The following TRABD2B variants were observed in gnomAD, a reference collection of about 807,000 sequenced individuals.
TRABD2B encodes the protein metalloprotease TIKI2.
In TRABD2B, 14 loss-of-function variants were observed where a neutral mutation model predicts 40.1. The observed-to-expected ratio is 0.35, with a 90% CI of 0.23 to 0.55. The LOEUF (loss-of-function observed/expected upper bound fraction) is 0.55, where lower values mean the gene tolerates loss of function less well. TRABD2B is among the 20% of genes least tolerant of loss of function. The probability of loss-of-function intolerance (pLI) is 0.90; values close to 1 mark genes in which losing one functional copy is unlikely to be tolerated. For synonymous variants in TRABD2B, 263 were observed against 277.0 expected (o/e 0.95, Z 0.50); for missense variants, 541 against 648.6 (o/e 0.83, Z 1.80).
intron 4 of TRABD2B, among the ~76,000 whole-genome samples, chr1:47,784,374 A>G (rs1218208472): frequency 2.6e-5 from 4 of 152,178 alleles, no homozygotes; most frequent in Non-Finnish European, 5.9e-5. Flanking sequence ...CTCAGCAAGA[A>G]TAACACACAA....
chr1:47,905,018 G>A (rs866802194), intron 2 of TRABD2B, among the ~76,000 whole-genome samples: 4 of 152,164 alleles, frequency 2.6e-5, no homozygotes, highest in South Asian at 4.1e-4. Context: ...CTCTGTGGAG[G>A]AAACAAAGGT....
intron 2 of TRABD2B, among the ~76,000 whole-genome samples, chr1:47,846,863 C>T (rs1335665529): frequency 5.2e-5 from 7 of 135,098 alleles, no homozygotes; most frequent in Middle Eastern, 3.5e-3. Flanking sequence ...TGCATACACA[C>T]ACACACACAC....
intron 2 of TRABD2B, among the ~76,000 whole-genome samples, chr1:47,849,184 T>C (rs1645513298): frequency 6.6e-6 from 1 of 152,204 alleles, no homozygotes; most frequent in Non-Finnish European, 1.5e-5. Context: ...TATTTGGAGA[T>C]AGGGCCTTTA....
At position 47,761,037 on chromosome 1, in the gene TRABD2B, G is replaced by A. The variant is rs916977442; in HGVS notation, c.*4865C>T. 1 of 152,316 alleles carries A rather than the reference G, an allele frequency of 6.6e-6. No homozygotes were observed. Among genetic ancestry groups the A allele is most frequent in the Non-Finnish European group, 1.5e-5 (1 of 68,098 alleles). 9.4% of individuals were successfully genotyped at this position (152,316 alleles called of 1,614,324 possible). On this transcript the variant is annotated 3_prime_UTR_variant, in exon 7 of 7. Coordinates refer to ENST00000606738, the MANE Select transcript of TRABD2B (RefSeq NM_001194986.2). ...TCCCATGGCAGCCTGTGGGTCCTGG[G>A]AAGAAAGCCAAGCACCTCATCTCCA...
intron 6 of TRABD2B, among the ~76,000 whole-genome samples, chr1:47,769,259 G>A (rs1003418570): frequency 1.3e-5 from 2 of 152,212 alleles, no homozygotes; most frequent in African/African-American, 4.8e-5. Context: ...CATCCTTTCA[G>A]CCTGAGGAAC....
At chr1:47,990,276 C>T (rs572422731) in intron 2 of TRABD2B, among the ~76,000 whole-genome samples, 1 of 152,300 alleles carries the variant, frequency 6.6e-6, no homozygotes, top group Admixed American at 6.5e-5. Flanking sequence ...GTGTCTCCGA[C>T]TCTGCCATGC....
chr1:47,805,711 G>T (rs1055010228), intron 2 of TRABD2B, among the ~76,000 whole-genome samples: 1 of 151,984 alleles, frequency 6.6e-6, no homozygotes, highest in East Asian at 1.9e-4. Context: ...CCAGGATTAC[G>T]ATGTTTATTG....
chr1:47,923,667 G>C (rs1184496983), intron 2 of TRABD2B, among the ~76,000 whole-genome samples: 3 of 152,142 alleles, frequency 2.0e-5, no homozygotes, highest in Non-Finnish European at 1.5e-5. Context: ...TAAATCAGTA[G>C]ACTTTGAGTA....
At chr1:47,962,749 G>T (rs1645540097) in intron 2 of TRABD2B, among the ~76,000 whole-genome samples, 1 of 152,210 alleles carries the variant, frequency 6.6e-6, no homozygotes, top group Non-Finnish European at 1.5e-5. Flanking sequence ...CAATTCAGCT[G>T]CAGAGTGTAT....
intron 2 of TRABD2B, among the ~76,000 whole-genome samples, chr1:47,814,743 G>C (rs1245431605): frequency 6.6e-6 from 1 of 152,198 alleles, no homozygotes; most frequent in African/African-American, 2.4e-5. Context: ...ACCCGCCTGG[G>C]ACTCTGTGGT....
intron 2 of TRABD2B, among the ~76,000 whole-genome samples, chr1:47,862,014 A>G (rs1246507090): frequency 6.6e-6 from 1 of 152,252 alleles, no homozygotes; most frequent in East Asian, 1.9e-4. Flanking sequence ...AAGAAAATAC[A>G]TGTAAAAAAA....
chr1:47,801,734 G>T, intron 2 of TRABD2B, 115 bp from the exon 3 acceptor site: 1 of 1,296,420 alleles, frequency 7.7e-7, no homozygotes, highest in Non-Finnish European at 1.0e-6. Context: ...CAGAGAAGGT[G>T]TGTGGGGCTG....
intron 2 of TRABD2B, among the ~76,000 whole-genome samples, chr1:47,983,415 T>C (rs976668645): frequency 6.6e-6 from 1 of 151,882 alleles, no homozygotes; most frequent in Non-Finnish European, 1.5e-5. Context: ...AAATAATCTG[T>C]ACAAAAAACC....
intron 2 of TRABD2B, among the ~76,000 whole-genome samples, chr1:47,852,237 G>C (rs1018564178): frequency 1.3e-5 from 2 of 152,148 alleles, no homozygotes; most frequent in Non-Finnish European, 2.9e-5. Flanking sequence ...GAGGCCAGGC[G>C]GAGGTTTGGG....
chr1:47,966,924 A>AAAATG (rs1645612376), intron 2 of TRABD2B, among the ~76,000 whole-genome samples: 1 of 151,430 alleles, frequency 6.6e-6, no homozygotes, highest in African/African-American at 2.4e-5. Flanking sequence ...AAAATAAAAT[A>AAAATG]AAATAAAATA....
chr1:47,955,378 C>G (rs1645404424), intron 2 of TRABD2B, among the ~76,000 whole-genome samples: 1 of 152,200 alleles, frequency 6.6e-6, no homozygotes, highest in Non-Finnish European at 1.5e-5. Context: ...ATAGTACAGA[C>G]TCCACGTCAC....
chr1:47,775,993 C>T (rs1213950123), intron 5 of TRABD2B, among the ~76,000 whole-genome samples: 1 of 151,980 alleles, frequency 6.6e-6, no homozygotes, highest in Non-Finnish European at 1.5e-5. Context: ...CTGGCTGAGA[C>T]TTTAGGTGAG....
At chr1:47,845,484 G>A (rs1645456645) in intron 2 of TRABD2B, among the ~76,000 whole-genome samples, 1 of 152,080 alleles carries the variant, frequency 6.6e-6, no homozygotes, top group African/African-American at 2.4e-5. Flanking sequence ...TACATATTAG[G>A]AGACTGAGGC....
intron 2 of TRABD2B, among the ~76,000 whole-genome samples, chr1:47,896,819 T>C (rs1644528976): frequency 6.6e-6 from 1 of 152,212 alleles, no homozygotes; most frequent in South Asian, 2.1e-4. Context: ...GTGGGAATCA[T>C]GACAACTCAT....
Sources: allele counts gnomAD v4.1 joint callset (sites outside exome capture counted in the v4.1 genomes callset), GRCh38; gene constraint gnomAD v4.1.1; transcripts MANE v1.5; gene names NCBI Gene and HGNC (gene_info 2026-07-23, HGNC 2026-07-21).